ENPP6: variants seen among roughly 807,000 people sequenced by gnomAD.
ENPP6 encodes glycerophosphocholine cholinephosphodiesterase ENPP6.
Under a neutral mutation model 42.0 loss-of-function variants are expected in ENPP6, and 32 were observed. The ratio of observed to expected loss-of-function variants is 0.76; its 90% CI spans 0.58 to 1.02. ENPP6 has a LOEUF of 1.02. ENPP6 is among the 50% of genes least tolerant of loss of function. The probability of loss-of-function intolerance (pLI) is 0.00; values close to 1 mark genes in which losing one functional copy is unlikely to be tolerated. For missense variants in ENPP6, 552 were observed against 566.8 expected (o/e 0.97, Z 0.27); for synonymous variants, 213 against 216.0 (o/e 0.99, Z 0.12).
chr4:184,209,001 T>G (rs1045845556), intron 1 of ENPP6, among the ~76,000 whole-genome samples: 1 of 141,994 alleles, frequency 7.0e-6, no homozygotes, highest in Non-Finnish European at 1.5e-5. Flanking sequence ...GGCAGGGTAT[T>G]CCAACAGACC....
At chr4:184,155,188 G>T (rs1220765523) in intron 1 of ENPP6, among the ~76,000 whole-genome samples, 1 of 152,050 alleles carries the variant, frequency 6.6e-6, no homozygotes, top group Admixed American at 6.6e-5. Context: ...TAAAAGTAGG[G>T]TCCTAATCTA....
At chr4:184,116,310 G>A (rs898102120) in intron 5 of ENPP6, among the ~76,000 whole-genome samples, 1 of 152,204 alleles carries the variant, frequency 6.6e-6, no homozygotes, top group Admixed American at 6.5e-5. Flanking sequence ...AATGGAGTAG[G>A]TATCATCATG....
In ENPP6 at chr4:184,208,157, C is replaced by T. The variant is rs112440139; in HGVS notation, c.241+9422G>A. Among the ~76,000 whole-genome samples the T allele has an allele frequency of 7.4e-3, 1,130 of 152,194 alleles. 16 individuals are homozygous for T. Among genetic ancestry groups the T allele is most frequent in the African/African-American group, 0.026 (1,074 of 41,524 alleles). On this transcript the variant is annotated intron_variant, in intron 1 of 7. Coordinates refer to ENST00000296741, the MANE Select transcript of ENPP6 (RefSeq NM_153343.4). Reference sequence around the variant, plus strand: ...ACACTTTAGAATATTAGTGGGCACCCATTCGCGAGTGTTCTGCCTCCCCTG... The same window carrying T: ...ACACTTTAGAATATTAGTGGGCACCTATTCGCGAGTGTTCTGCCTCCCCTG...
chr4:184,187,450 C>A (rs1354801422), intron 1 of ENPP6, among the ~76,000 whole-genome samples: 2 of 152,214 alleles, frequency 1.3e-5, no homozygotes, highest in Non-Finnish European at 2.9e-5. Context: ...CTCATTGCTC[C>A]TTTTTTGCTC....
chr4:184,187,606 C>A (rs1226863604), intron 1 of ENPP6, among the ~76,000 whole-genome samples: 1 of 152,190 alleles, frequency 6.6e-6, no homozygotes, highest in African/African-American at 2.4e-5. Context: ...CAAATTTTAT[C>A]TTATCAGAAA....
Position 184,090,285 on chromosome 4 carries a change from C to G in ENPP6, c.*892G>C, listed in dbSNP as rs1032458208. The G allele has an allele frequency of 6.6e-6, 1 of 152,204 alleles. No individual in the cohort carries two copies. The highest frequency in any genetic ancestry group is 1.5e-5 in the Non-Finnish European group (1 of 68,068). The allele number at this position is 152,204 out of a possible 1,614,324, so 9.4% of individuals were successfully genotyped here. ...TCATGTCAGGGATTGCTCTTGTCTG[C>G]ACCCTATATTGGGAGCCACAGAGTG... is the stretch of plus-strand genomic sequence containing the variant. On this transcript the variant is annotated 3_prime_UTR_variant, in exon 8 of 8. Coordinates refer to ENST00000296741, the MANE Select transcript of ENPP6 (RefSeq NM_153343.4).
chr4:184,156,925 G>A lies in ENPP6; in HGVS notation c.242-3192C>T, dbSNP rs190036430. ...GAAATGGCTGGCCTTCACATCTCAC[G>A]AGAAGGTAGAGGATATGTCCATCTT... is the stretch of plus-strand genomic sequence containing the variant. On this transcript the variant is annotated intron_variant, in intron 1 of 7. Transcript: ENST00000296741. 1.8e-4 allele frequency among the ~76,000 whole-genome samples: 28 copies of A among 152,332 alleles called. 1 individual carries two copies. Among genetic ancestry groups the A allele is most frequent in the Admixed American group, 1.8e-3 (28 of 15,308 alleles).
chr4:184,097,681 G>A (rs536890720), intron 6 of ENPP6, among the ~76,000 whole-genome samples: 4 of 152,284 alleles, frequency 2.6e-5, no homozygotes, highest in Non-Finnish European at 4.4e-5. Context: ...GTGTATCTGC[G>A]GTGTCATAAA....
In ENPP6 at chr4:184,184,507, A is replaced by T. The variant is rs1280563302; in HGVS notation, c.242-30774T>A. On this transcript the variant is annotated intron_variant, in intron 1 of 7. Coordinates refer to ENST00000296741, the MANE Select transcript of ENPP6 (RefSeq NM_153343.4). This position sits in a 1 kb window ranked among gnomAD's most constrained non-coding sequence, Gnocchi z 4.7. The stretch of plus-strand genomic sequence containing the variant: ...ATTCAGTATATGTGGGAAAGAGATT[A>T]AAATATGAGGGAAAGCAAATCGTGG... Among the ~76,000 whole-genome samples the T allele has an allele frequency of 6.6e-6, 1 of 152,204 alleles. No individual in the cohort carries two copies.
chr4:184,183,760 C>T (rs1732591530), intron 1 of ENPP6, among the ~76,000 whole-genome samples: 1 of 152,218 alleles, frequency 6.6e-6, no homozygotes, highest in Non-Finnish European at 1.5e-5. Context: ...CCAATGTGTT[C>T]TGCTGTCCTT....
chr4:184,209,350 A>G (rs1240033409), intron 1 of ENPP6, among the ~76,000 whole-genome samples: 2 of 148,436 alleles, frequency 1.3e-5, no homozygotes, highest in East Asian at 2.0e-4. Flanking sequence ...AAAATTTAGA[A>G]GAATGTATAA....
intron 1 of ENPP6, among the ~76,000 whole-genome samples, chr4:184,165,560 G>A (rs2310044): frequency 0.7 from 107,062 of 152,170 alleles, 38,000 homozygotes; most frequent in Middle Eastern, 0.74. Context: ...ACATGGAGAC[G>A]CACAGATCTC....
chr4:184,177,622 G>A (rs971750461), intron 1 of ENPP6, among the ~76,000 whole-genome samples: 16 of 152,194 alleles, frequency 1.1e-4, no homozygotes, highest in Non-Finnish European at 1.2e-4. Flanking sequence ...ACTGGCGTCA[G>A]GTCAGTGCCT....
At chr4:184,119,268 C>T (rs1482965728) in intron 3 of ENPP6, among the ~76,000 whole-genome samples, 1 of 151,478 alleles carries the variant, frequency 6.6e-6, no homozygotes, top group African/African-American at 2.4e-5. Context: ...ATATCTGCAT[C>T]AAACAATAAT....
intron 1 of ENPP6, among the ~76,000 whole-genome samples, chr4:184,173,450 T>C (rs929630332): frequency 2.0e-5 from 3 of 152,176 alleles, no homozygotes; most frequent in African/African-American, 7.2e-5. Flanking sequence ...CAGGTACAAT[T>C]ACTTGAGGCA....
intron 1 of ENPP6, among the ~76,000 whole-genome samples, chr4:184,163,548 A>G (rs1193489757): frequency 6.6e-6 from 1 of 152,138 alleles, no homozygotes; most frequent in Non-Finnish European, 1.5e-5. Context: ...TCTCGGTTTA[A>G]AAAAAAACAC....
Position 184,153,676 on chromosome 4 carries a change from TTGG to T in ENPP6, c.296_298del (p.Thr99del). On this transcript the variant is annotated inframe_deletion, in exon 2 of 8. Coordinates refer to ENST00000296741, the MANE Select transcript of ENPP6 (RefSeq NM_153343.4). ...GTTGACGCCAATGTCAAAGGACTTG[TTGG>T]TGGTGGGGTCCCACATGTAGTTCCC... 1 of 1,614,194 alleles carries T rather than the reference TTGG, an allele frequency of 6.2e-7. No individual in the cohort carries two copies. The highest frequency in any genetic ancestry group is 8.5e-7 in the Non-Finnish European group (1 of 1,180,028).
chr4:184,128,249 C>T (rs1453282975), intron 2 of ENPP6, among the ~76,000 whole-genome samples: 4 of 152,170 alleles, frequency 2.6e-5, no homozygotes, highest in African/African-American at 9.7e-5. Flanking sequence ...GGCACGATCT[C>T]GGGTCACTGC....
At chr4:184,172,939 A>C (rs2111093944) in intron 1 of ENPP6, among the ~76,000 whole-genome samples, 1 of 152,186 alleles carries the variant, frequency 6.6e-6, no homozygotes, top group South Asian at 2.1e-4. Context: ...ATTGAGATGA[A>C]GTCTCTCTCT....
Sources: allele counts gnomAD v4.1 joint callset (sites outside exome capture counted in the v4.1 genomes callset), GRCh38; gene constraint gnomAD v4.1.1; non-coding constraint Gnocchi (gnomAD v3.1); transcripts MANE v1.5; gene names NCBI Gene and HGNC (gene_info 2026-07-23, HGNC 2026-07-21).